The following PLEKHH1 variants were observed in gnomAD, a reference collection of about 807,000 sequenced individuals.
PLEKHH1 encodes pleckstrin homology domain-containing family H member 1.
In PLEKHH1, 104 loss-of-function variants were observed where a neutral mutation model predicts 160.0. That is an observed-to-expected ratio of 0.65 (90% CI 0.55 to 0.76). The LOEUF (loss-of-function observed/expected upper bound fraction) is 0.76. Ranked by LOEUF, PLEKHH1 falls within the 30% of genes least tolerant of loss-of-function variation. The probability of loss-of-function intolerance (pLI) is 0.00; values close to 1 mark genes in which losing one functional copy is unlikely to be tolerated. For synonymous variants in PLEKHH1, 619 were observed against 678.4 expected (o/e 0.91, Z 1.36); for missense variants, 1,427 against 1,724.1 (o/e 0.83, Z 3.05).
intron 1 of PLEKHH1, among the ~76,000 whole-genome samples, chr14:67,541,273 T>C (rs1189004185): frequency 3.9e-5 from 6 of 152,240 alleles, no homozygotes; most frequent in African/African-American, 1.4e-4. Flanking sequence ...TAATTAGCTA[T>C]GTGACCTTGG....
intron 9 of PLEKHH1, chr14:67,571,101 A>G (rs1361042984): frequency 6.6e-6 from 1 of 152,538 alleles, no homozygotes; most frequent in Non-Finnish European, 1.5e-5. Flanking sequence ...CTTTCCTCCA[A>G]TAATAATTTA....
chr14:67,542,489 C>A (rs1161241945), intron 2 of PLEKHH1, among the ~76,000 whole-genome samples: 1 of 152,134 alleles, frequency 6.6e-6, no homozygotes, highest in East Asian at 1.9e-4. Context: ...GTCCCTTCAC[C>A]TCTAAGGCAA....
In PLEKHH1 at chr14:67,582,364, A is replaced by C. The variant is rs1483970118; in HGVS notation, c.3426+154A>C. ...GGGATGGAAAGCAGCTGACTTCTAC[A>C]GATCAGAGCTCCTCACTCACCGCAG... On this transcript the variant is annotated intron_variant, in intron 24 of 28. Coordinates refer to ENST00000329153, the MANE Select transcript of PLEKHH1 (RefSeq NM_020715.3). This position sits in a 1 kb window ranked among gnomAD's most constrained non-coding sequence, Gnocchi z 5.0. The C allele has an allele frequency of 5.5e-6, 7 of 1,284,166 alleles. No homozygotes were observed. In the East Asian group the frequency reaches 1.8e-4, roughly 32 times the overall value. The allele number at this position is 1,284,166 out of a possible 1,614,324, so 79.5% of individuals were successfully genotyped here. A position where few individuals can be genotyped will look rare whatever the true frequency, so the allele number is the denominator to read the frequency against.
At chr14:67,543,865 A>G (rs560768672) in intron 2 of PLEKHH1, among the ~76,000 whole-genome samples, 2 of 152,348 alleles carry the variant, frequency 1.3e-5, no homozygotes, top group African/African-American at 4.8e-5. Context: ...TGAGCACAGA[A>G]AAAAGTAAGA....
At position 67,579,231 on chromosome 14, in the gene PLEKHH1, G is replaced by A. The variant is rs1362053579; in HGVS notation, c.2947G>A (p.Val983Met). Residue 983 changes from valine to methionine, a missense_variant, in exon 21 of 29, where the codon GTG (valine) becomes ATG (methionine). By Grantham distance (21) the Val-to-Met change is conservative. Around this residue, in one of 6 missense-constraint regions of PLEKHH1, gnomAD observed 436 missense variants for 607.5 expected, o/e 0.72. Coordinates refer to ENST00000329153, the MANE Select transcript of PLEKHH1 (RefSeq NM_020715.3). ...AGCCAGGCCATCGCGCATGGAAGTGGTGTCCATCCTGCTGCGTAACCCCTT... is the reference window on the plus strand; with the variant it reads ...AGCCAGGCCATCGCGCATGGAAGTGATGTCCATCCTGCTGCGTAACCCCTT... ...REARPSRMEV[V>M]SILLRNPFHH... 1.2e-6 allele frequency: 2 copies of A among 1,611,060 alleles called. No homozygotes were observed. The highest frequency in any genetic ancestry group is 1.1e-5 in the South Asian group (1 of 90,404).
In PLEKHH1 at chr14:67,577,325, A is replaced by G. The variant is rs1239842993; in HGVS notation, c.2485A>G (p.Met829Val). Residue 829 changes from methionine to valine, a missense_variant, in exon 18 of 29, where the codon ATG becomes GTG. Met to Val is a conservative substitution (Grantham distance 21). Around this residue, in one of 6 missense-constraint regions of PLEKHH1, gnomAD observed 436 missense variants for 607.5 expected, o/e 0.72. Coordinates refer to ENST00000329153, the MANE Select transcript of PLEKHH1 (RefSeq NM_020715.3). ...DPDSPLWRHP[M>V]LCYSKDGLYA... Reference sequence around the variant, plus strand: ...AGATTCGCCGCTCTGGAGGCACCCCATGCTGTGCTACAGCAAAGACGGCCT... The same window carrying G: ...AGATTCGCCGCTCTGGAGGCACCCCGTGCTGTGCTACAGCAAAGACGGCCT... 3.2e-6 allele frequency: 5 copies of G among 1,575,618 alleles called. No individual in the cohort carries two copies. The highest frequency in any genetic ancestry group is 4.3e-6 in the Non-Finnish European group (5 of 1,161,110).
At chr14:67,579,950 G>T in intron 22 of PLEKHH1, 74 bp downstream of exon 22, 1 of 1,382,928 alleles carries the variant, frequency 7.2e-7, no homozygotes, top group Non-Finnish European at 9.9e-7. Context: ...GAGCCCATCT[G>T]ATGGGTGTCT....
chr14:67,535,515 G>T (rs896770242), intron 1 of PLEKHH1, among the ~76,000 whole-genome samples: 1 of 151,644 alleles, frequency 6.6e-6, no homozygotes. Context: ...CAAGTGGCTG[G>T]GATTAACAGG....
At position 67,579,940 on chromosome 14, in the gene PLEKHH1, G is replaced by A; in HGVS notation, c.3183+64G>A. The A allele has an allele frequency of 1.4e-6, 2 of 1,447,180 alleles. 1 individual carries two copies. The highest frequency in any genetic ancestry group is 2.5e-5 in the South Asian group (2 of 79,556). The allele number at this position is 1,447,180 out of a possible 1,614,324, so 89.6% of individuals were successfully genotyped here. A position where few individuals can be genotyped will look rare whatever the true frequency, so the allele number is the denominator to read the frequency against. On this transcript the variant is annotated intron_variant, in intron 22 of 28. Coordinates refer to ENST00000329153, the MANE Select transcript of PLEKHH1 (RefSeq NM_020715.3). ...CTCAGGGATATTGGTGGTGGGGAAA[G>A]AGCCCATCTGATGGGTGTCTGACTG...
At position 67,577,308 on chromosome 14, in the gene PLEKHH1, C is replaced by A; in HGVS notation, c.2468C>A (p.Pro823Gln). Residue 823 changes from proline to glutamine, a missense_variant, in exon 18 of 29, where the codon CCG (proline) becomes CAG (glutamine). By Grantham distance (76) the Pro-to-Gln change is moderately conservative (BLOSUM62 -1). Around this residue, in one of 6 missense-constraint regions of PLEKHH1, gnomAD observed 436 missense variants for 607.5 expected, o/e 0.72. Transcript: ENST00000329153. ...GGTTCCGTGCTTTGGGCAGATTCGC[C>A]GCTCTGGAGGCACCCCATGCTGTGC... ...LMDGEGDPDS[P>Q]LWRHPMLCYS... 6.4e-7 allele frequency: 1 copy of A among 1,564,134 alleles called. No homozygotes were observed. The highest frequency in any genetic ancestry group is 8.7e-7 in the Non-Finnish European group (1 of 1,154,790).
At chr14:67,561,825 G>T in intron 5 of PLEKHH1, 129 bp from the exon 6 acceptor site, 1 of 685,298 alleles carries the variant, frequency 1.5e-6, no homozygotes, top group South Asian at 1.9e-5. Context: ...AGCCAAAATT[G>T]CTCCACTGCA....
chr14:67,572,161 G>T lies in PLEKHH1; in HGVS notation c.1612G>T (p.Glu538Ter). 6.2e-7 allele frequency: 1 copy of T among 1,607,484 alleles called. No individual in the cohort carries two copies. The highest frequency in any genetic ancestry group is 2.2e-5 in the East Asian group (1 of 44,582). ...CGTCTCCATGTCCTCACTGAGCTCC[G>T]AGGGTGACTACGCCATCCCCCCGGA... ...RGVSMSSLSS[E>*]GDYAIPPDAC... Residue 538 changes from glutamate to a stop codon, truncating the protein, a stop_gained, in exon 11 of 29, where the codon GAG becomes TAG. Transcript: ENST00000329153. LOFTEE classifies it high-confidence loss of function.
At position 67,576,143 on chromosome 14, in the gene PLEKHH1, G is replaced by A. The variant is rs538901812; in HGVS notation, c.2352+138G>A. ...TTGGCAACTAATATTCTCTGAATGG[G>A]AATATTCCTTTATACTGAATTTATT... is the stretch of plus-strand genomic sequence containing the variant. On this transcript the variant is annotated intron_variant, in intron 16 of 28. Coordinates refer to ENST00000329153, the MANE Select transcript of PLEKHH1 (RefSeq NM_020715.3). This position sits in a 1 kb window ranked among gnomAD's most constrained non-coding sequence, Gnocchi z 4.0. The A allele has an allele frequency of 1.4e-6, 1 of 697,312 alleles. No homozygotes were observed. Among genetic ancestry groups the A allele is most frequent in the Admixed American group, 3.0e-5 (1 of 33,746 alleles). The allele number at this position is 697,312 out of a possible 1,614,324, so 43.2% of individuals were successfully genotyped here. A position where few individuals can be genotyped will look rare whatever the true frequency, so the allele number is the denominator to read the frequency against.
Position 67,559,664 on chromosome 14 carries a change from G to A in PLEKHH1, c.396G>A (p.Lys132=). ...TTCAAGAAAAAGCTGCAAAGATCAA[G>A]GAATGGGTGACACTCAAGTTGGCAA... is the stretch of plus-strand genomic sequence containing the variant. ...KTVQEKAAKI[K]EWVTLKLAKL... The change falls in exon 5 of 29, where the codon AAG becomes AAA. Residue 132 remains lysine, a synonymous_variant. Coordinates refer to ENST00000329153, the MANE Select transcript of PLEKHH1 (RefSeq NM_020715.3). The A allele has an allele frequency of 6.2e-7, 1 of 1,606,840 alleles. No homozygotes were observed. The highest frequency in any genetic ancestry group is 8.5e-7 in the Non-Finnish European group (1 of 1,176,688).
chr14:67,557,459 C>A (rs184145385), intron 4 of PLEKHH1, 41 bp downstream of exon 4: 60 of 1,590,698 alleles, frequency 3.8e-5, no homozygotes, highest in South Asian at 2.5e-4. Context: ...CCCTCTTCGA[C>A]ATCTGTACTG....
intron 2 of PLEKHH1, among the ~76,000 whole-genome samples, chr14:67,546,348 T>A (rs970269729): frequency 2.0e-5 from 3 of 152,212 alleles, no homozygotes; most frequent in African/African-American, 7.2e-5. Context: ...GGGATTTTTT[T>A]AAGACAAAGT....
chr14:67,577,893 G>A, intron 18 of PLEKHH1, 130 bp from the exon 19 acceptor site: 1 of 742,784 alleles, frequency 1.3e-6, no homozygotes, highest in Non-Finnish European at 2.2e-6. Context: ...AACAGTAGCA[G>A]TGCTCCCTCT....
chr14:67,552,628 G>T lies in PLEKHH1; in HGVS notation c.127-3197G>T, dbSNP rs552223050. Among the ~76,000 whole-genome samples, 5 of 149,358 alleles carry T rather than the reference G, an allele frequency of 3.3e-5. No individual in the cohort carries two copies. The South Asian group carries it at 1.1e-3, about 32-fold the overall frequency. Reference sequence around the variant, plus strand: ...TAAAAATATAAAAAATTAGCTGGGCGTGGTGGCGGGTGCCTGTAGTCCCAG... The same window carrying T: ...TAAAAATATAAAAAATTAGCTGGGCTTGGTGGCGGGTGCCTGTAGTCCCAG... On this transcript the variant is annotated intron_variant, in intron 2 of 28. Transcript: ENST00000329153.
intron 1 of PLEKHH1, among the ~76,000 whole-genome samples, chr14:67,537,019 G>T (rs901779164): frequency 6.6e-6 from 1 of 150,958 alleles, no homozygotes; most frequent in African/African-American, 2.5e-5. Flanking sequence ...CAGCCTGGGT[G>T]ACAGAGCGAG....
Sources: gnomAD v4.1 joint callset for allele counts (sites outside exome capture counted in the v4.1 genomes callset) on GRCh38, gnomAD v4.1.1 for gene constraint, gnomAD v4.1.1 regional missense constraint, Gnocchi (gnomAD v3.1) non-coding constraint, MANE v1.5 for transcripts, NCBI Gene and HGNC (gene_info 2026-07-23, HGNC 2026-07-21) for gene names.